Variants in CDC27 observed in about 807,000 individuals in gnomAD.
The protein encoded by CDC27 is cell division cycle protein 27 homolog.
A neutral mutation model predicts 109.7 loss-of-function variants in CDC27; 27 were observed. The observed-to-expected ratio is 0.25, with a 90% CI of 0.18 to 0.34. CDC27 has a LOEUF of 0.34. CDC27 is among the 10% of genes least tolerant of loss of function. The pLI, the probability that CDC27 is intolerant of heterozygous loss-of-function variation, is 1.00. For missense variants in CDC27, 579 were observed against 960.2 expected (o/e 0.60, Z 5.25); for synonymous variants, 266 against 333.9 (o/e 0.80, Z 2.22).
At position 47,181,600 on chromosome 17, in the gene CDC27, C is replaced by T; in HGVS notation, c.65G>A (p.Arg22Gln). The T allele has an allele frequency of 6.2e-7, 1 of 1,608,600 alleles. No individual in the cohort carries two copies. The highest frequency in any genetic ancestry group is 8.5e-7 in the Non-Finnish European group (1 of 1,176,120). ...IWQALNHYAY[R>Q]DAVFLAERLY... Reference sequence around the variant, plus strand: ...GCGTTCTGCGAGGAAAACCGCATCTCGGTAAGCATAGTGGTTTAGTGCTTG... The same window carrying T: ...GCGTTCTGCGAGGAAAACCGCATCTTGGTAAGCATAGTGGTTTAGTGCTTG... Residue 22 changes from arginine to glutamine, a missense_variant, in exon 2 of 19, where the codon CGA (arginine) becomes CAA (glutamine). Arg to Gln is a conservative substitution (Grantham distance 43). This residue lies in a region of CDC27 where 44 missense variants were observed against 102.2 expected (regional missense o/e 0.43). Coordinates refer to ENST00000066544, the MANE Select transcript of CDC27 (RefSeq NM_001256.6).
Position 47,154,672 on chromosome 17 carries a change from C to A in CDC27, c.957G>T (p.Lys319Asn). 1.3e-6 allele frequency: 2 copies of A among 1,522,416 alleles called. No individual in the cohort carries two copies. The highest frequency in any genetic ancestry group is 9.0e-7 in the Non-Finnish European group (1 of 1,105,664). 94.3% of individuals were successfully genotyped at this position (1,522,416 alleles called of 1,614,324 possible). A position where few individuals can be genotyped will look rare whatever the true frequency, so the allele number is the denominator to read the frequency against. The change falls in exon 8 of 19, where the codon AAG becomes AAT. Residue 319 changes from lysine (K) to asparagine (N), a missense_variant and splice_region_variant. Lys to Asn is a moderately conservative substitution (Grantham distance 94). Around this residue, in one of 9 missense-constraint regions of CDC27, gnomAD observed 74 missense variants for 148.9 expected, o/e 0.50. Coordinates refer to ENST00000066544, the MANE Select transcript of CDC27 (RefSeq NM_001256.6). ...AAACTGCATTTTACATGGAAAATAC[C>A]TTTTTTGAAGGGGCTCCGGTGGATG... ...DVPSTGAPSK[K>N]SVARIGQTGT... is the part of the protein sequence containing the mutation.
chr17:47,161,295 AAATATAATT>A (rs2063491355), intron 4 of CDC27, among the ~76,000 whole-genome samples: 1 of 152,110 alleles, frequency 6.6e-6, no homozygotes, highest in Non-Finnish European at 1.5e-5. Context: ...GAAATTTCTT[AAATATAATT>A]GTCATAAGAC....
At chr17:47,177,200 C>T (rs1343746740) in intron 2 of CDC27, among the ~76,000 whole-genome samples, 1 of 152,020 alleles carries the variant, frequency 6.6e-6, no homozygotes, top group Admixed American at 6.6e-5. Flanking sequence ...CTGGGAGGAT[C>T]GCTTGAGCCC....
intron 14 of CDC27, among the ~76,000 whole-genome samples, chr17:47,133,066 C>CATAT (rs2062428767): frequency 1.3e-5 from 1 of 78,766 alleles, no homozygotes; most frequent in African/African-American, 5.1e-5. Context: ...TACATATACA[C>CATAT]ACACACACAC....
At chr17:47,158,368 G>A in intron 4 of CDC27, 65 bp from the exon 5 acceptor site, 1 of 754,140 alleles carries the variant, frequency 1.3e-6, no homozygotes, top group Non-Finnish European at 2.0e-6. Flanking sequence ...TAAACTTTTA[G>A]TATAAAAAAT....
At chr17:47,138,043 C>T (rs899592323) in intron 13 of CDC27, among the ~76,000 whole-genome samples, 1 of 152,074 alleles carries the variant, frequency 6.6e-6, no homozygotes, top group African/African-American at 2.4e-5. Flanking sequence ...TCAAGGAATC[C>T]GCCTGCCTCA....
intron 14 of CDC27, among the ~76,000 whole-genome samples, chr17:47,133,753 T>C (rs915124014): frequency 1.3e-5 from 2 of 151,810 alleles, no homozygotes; most frequent in South Asian, 4.2e-4. Context: ...CTACATATAT[T>C]TTTTTTCTTT....
intron 12 of CDC27, among the ~76,000 whole-genome samples, chr17:47,140,177 T>C (rs1381026296): frequency 6.6e-6 from 1 of 152,166 alleles, no homozygotes; most frequent in African/African-American, 2.4e-5. Flanking sequence ...TTAAAAGTTA[T>C]AAAGGTAAGT....
In CDC27 at chr17:47,129,423, G is replaced by A. The variant is rs753924753; in HGVS notation, c.2130C>T (p.Ala710=). Reference sequence around the variant, plus strand: ...ATTTTTCATTTGCAAATAAAACTGAGGCTCTGTGAAATTTGCATAGAGGGT... The same window carrying A: ...ATTTTTCATTTGCAAATAAAACTGAAGCTCTGTGAAATTTGCATAGAGGGT... The part of the protein sequence containing the change: ...PKNPLCKFHR[A]SVLFANEKYK... The change falls in exon 16 of 19, where the codon GCC becomes GCT. Residue 710 remains alanine, a synonymous_variant. Coordinates refer to ENST00000066544, the MANE Select transcript of CDC27 (RefSeq NM_001256.6). The A allele has an allele frequency of 1.1e-5, 17 of 1,611,768 alleles. No individual in the cohort carries two copies. Among genetic ancestry groups the A allele is most frequent in the Non-Finnish European group, 1.4e-5 (17 of 1,178,326 alleles).
At position 47,179,131 on chromosome 17, in the gene CDC27, CGA is replaced by C. The variant is rs540131733; in HGVS notation, c.103+2429_103+2430del. 1.3e-3 allele frequency among the ~76,000 whole-genome samples: 196 copies of C among 152,230 alleles called. 6 individuals carry two copies. The highest frequency in any genetic ancestry group is 2.1e-4 in the Non-Finnish European group (14 of 68,018). On this transcript the variant is annotated intron_variant, in intron 2 of 18. Coordinates refer to ENST00000066544, the MANE Select transcript of CDC27 (RefSeq NM_001256.6). ...ACAGTCTCAGGCCGACTATAAATCT[CGA>C]GAGAAAGACAAATGGGCGACAAAGA...
At chr17:47,128,901 G>A (rs1190386193) in intron 16 of CDC27, among the ~76,000 whole-genome samples, 1 of 151,802 alleles carries the variant, frequency 6.6e-6, no homozygotes, top group Non-Finnish European at 1.5e-5. Flanking sequence ...CTCCCCAGTA[G>A]CTGAGACTTA....
intron 4 of CDC27, among the ~76,000 whole-genome samples, chr17:47,160,246 T>C (rs74809933): frequency 6.6e-5 from 10 of 150,556 alleles, no homozygotes; most frequent in East Asian, 1.9e-4. Flanking sequence ...TTTTTTTTTT[T>C]CCTGAGAGTC....
At chr17:47,124,178 AACACACAC>A (rs59790354) in intron 16 of CDC27, among the ~76,000 whole-genome samples, 3 of 144,390 alleles carry the variant, frequency 2.1e-5, no homozygotes, top group East Asian at 2.0e-4. Context: ...GTACACTGAA[AACACACAC>A]ACACACACAC....
At chr17:47,133,621 T>C (rs1309393265) in intron 14 of CDC27, among the ~76,000 whole-genome samples, 2 of 142,880 alleles carry the variant, frequency 1.4e-5, no homozygotes, top group East Asian at 2.1e-4. Flanking sequence ...GTATTTTTAG[T>C]AAAGACAGGG....
chr17:47,122,068 C>T (rs1472778815), intron 18 of CDC27, among the ~76,000 whole-genome samples: 1 of 152,096 alleles, frequency 6.6e-6, no homozygotes, highest in Non-Finnish European at 1.5e-5. Context: ...TAAAGCCTTT[C>T]ACCAAGTTTT....
chr17:47,134,130 C>G lies in CDC27; in HGVS notation c.1914-1756G>C, dbSNP rs546944507. On this transcript the variant is annotated intron_variant, in intron 14 of 18. Transcript: ENST00000066544. ...ACCAAGCTGGTTTCAAACTCTTAGC[C>G]TCAAACAATCCTCCCACCTTGGCCT... is the stretch of plus-strand genomic sequence containing the variant. Among the ~76,000 whole-genome samples the G allele has an allele frequency of 1.2e-4, 18 of 152,018 alleles. No homozygotes were observed. In the South Asian group the frequency reaches 3.5e-3, roughly 30 times the overall value.
At position 47,151,910 on chromosome 17, in the gene CDC27, G is replaced by C; in HGVS notation, c.966C>G (p.Ala322=). The part of the protein sequence containing the change: ...STGAPSKKSV[A]RIGQTGTKSV... ...ACTTTGTTCCAGTTTGGCCGATTCT[G>C]GCAACAGACTGTAAAACACGAAAAG... The change falls in exon 9 of 19, where the codon GCC becomes GCG. Residue 322 remains alanine (A), a synonymous_variant. Transcript: ENST00000066544. The C allele has an allele frequency of 6.2e-7, 1 of 1,605,278 alleles. No homozygotes were observed. Among genetic ancestry groups the C allele is most frequent in the Non-Finnish European group, 8.5e-7 (1 of 1,176,190 alleles).
At chr17:47,150,771 G>T (rs547909287) in intron 9 of CDC27, among the ~76,000 whole-genome samples, 22 of 152,300 alleles carry the variant, frequency 1.4e-4, no homozygotes, top group African/African-American at 4.8e-4. Flanking sequence ...GGTGGCTCAT[G>T]CCTGTAATCC....
In CDC27 at chr17:47,169,915, A is replaced by C; in HGVS notation, c.377+2T>G. On this transcript the variant is annotated splice_donor_variant, in intron 4 of 18. Transcript: ENST00000066544. LOFTEE classifies it high-confidence loss of function. ...CTGACAGTTTGAATCATTCTTACTTACCAATATACATGTCCCAACAATGAA... is the reference window on the plus strand; with the variant it reads ...CTGACAGTTTGAATCATTCTTACTTCCCAATATACATGTCCCAACAATGAA... 6.4e-7 allele frequency: 1 copy of C among 1,572,914 alleles called. No homozygotes were observed. Among genetic ancestry groups the C allele is most frequent in the Non-Finnish European group, 8.6e-7 (1 of 1,165,860 alleles).
Sources: allele counts gnomAD v4.1 joint callset (sites outside exome capture counted in the v4.1 genomes callset), GRCh38; gene constraint gnomAD v4.1.1; regional missense constraint gnomAD v4.1.1; transcripts MANE v1.5; gene names NCBI Gene and HGNC (gene_info 2026-07-23, HGNC 2026-07-21).